Variants in BCOR observed in about 807,000 individuals in gnomAD.
The protein encoded by BCOR is BCL-6 corepressor.
In BCOR, 10 loss-of-function variants were observed where a neutral mutation model predicts 86.7. The observed-to-expected ratio is 0.12, with a 90% CI of 0.07 to 0.20. BCOR has a LOEUF of 0.20. BCOR is among the 10% of genes least tolerant of loss of function. The pLI is 1.00. For missense variants in BCOR, 1,259 were observed against 1,452.1 expected, an observed-to-expected ratio of 0.87 and a Z score of 2.16; for synonymous variants, 611 against 609.0, an observed-to-expected ratio of 1.00 and a Z score of -0.05.
At chrX:40,141,774 T>C (rs974790862) in intron 1 of BCOR, among the ~76,000 whole-genome samples, 2 of 110,959 alleles carry the variant, frequency 1.8e-5, no homozygotes, top group Non-Finnish European at 3.8e-5. Context: ...AGTCAGGCCC[T>C]CCAAGGAAGG....
chrX:40,120,257 G>A (rs889376829), intron 1 of BCOR, among the ~76,000 whole-genome samples: 21 of 111,048 alleles, frequency 1.9e-4, no homozygotes, highest in African/African-American at 5.9e-4. Context: ...TGGGTTTTCC[G>A]CTATGCCCGG....
chrX:40,080,989 G>GCACACA lies in BCOR; in HGVS notation c.-40-3026_-40-3021dup, dbSNP rs113541819. On this transcript the variant is annotated intron_variant, in intron 1 of 14. Coordinates refer to ENST00000378444, the MANE Select transcript of BCOR (RefSeq NM_001123385.2). ...CACGCACACGCGCACACACACACGC[G>GCACACA]CACACACACACACACTTATAATCTT... Among the ~76,000 whole-genome samples the GCACACA allele has an allele frequency of 1.2e-3, 126 of 107,111 alleles. 1 individual carries two copies. Among genetic ancestry groups the GCACACA allele is most frequent in the African/African-American group, 4.1e-3 (122 of 29,460 alleles). 93.0% of individuals were successfully genotyped at this position (107,111 alleles called of 115,157 possible). A position where few individuals can be genotyped will look rare whatever the true frequency, so the allele number is the denominator to read the frequency against.
In BCOR at chrX:40,064,376, C is replaced by T; in HGVS notation, c.3462G>A (p.Glu1154=). The T allele has an allele frequency of 1.6e-6, 2 of 1,212,412 alleles. No individual in the cohort carries two copies. The highest frequency in any genetic ancestry group is 2.2e-6 in the Non-Finnish European group (2 of 895,649). Reference sequence around the variant, plus strand: ...GGCGTTTGGCTTTCAGCAGAGGGTCCTCTGGCACCTCCTCCGCAGTGGTCT... The same window carrying T: ...GGCGTTTGGCTTTCAGCAGAGGGTCTTCTGGCACCTCCTCCGCAGTGGTCT... The part of the protein sequence containing the change: ...HTETTAEEVP[E]DPLLKAKRRR... Residue 1154 remains glutamate (E), a synonymous_variant, in exon 7 of 15, where the codon GAG becomes GAA. Transcript: ENST00000378444.
intron 1 of BCOR, among the ~76,000 whole-genome samples, chrX:40,141,240 G>A (rs180827362): frequency 8.8e-6 from 1 of 113,158 alleles, no homozygotes; most frequent in Non-Finnish European, 1.9e-5. Flanking sequence ...GGGCCAGTAA[G>A]TCTGACTGAA....
At chrX:40,059,408 G>A (rs145145109) in intron 10 of BCOR, among the ~76,000 whole-genome samples, 1,192 of 112,432 alleles carry the variant, frequency 0.011, 17 homozygotes, top group African/African-American at 0.037. Context: ...CAACGGGTCT[G>A]CTGGGAAGTT....
intron 1 of BCOR, among the ~76,000 whole-genome samples, chrX:40,104,012 C>A (rs1055886731): frequency 8.9e-6 from 1 of 111,890 alleles, no homozygotes; most frequent in African/African-American, 3.3e-5. Context: ...ACAACCCACC[C>A]CCCATTGGCG....
In BCOR at chrX:40,131,395, G is replaced by A. The variant is rs759682120; in HGVS notation, c.-41+45612C>T. On this transcript the variant is annotated intron_variant, in intron 1 of 14. Transcript: ENST00000342274. ...AAACAGGCCAGGCGCAGTGGCTCAC[G>A]CCTGCAATCCCAGCACTTTGTAAGG... Among the ~76,000 whole-genome samples the A allele has an allele frequency of 4.6e-3, 517 of 112,463 alleles. 2 individuals are homozygous for A. Among genetic ancestry groups the A allele is most frequent in the Admixed American group, 0.014 (144 of 10,591 alleles).
intron 1 of BCOR, among the ~76,000 whole-genome samples, chrX:40,170,169 T>C (rs1420382312): frequency 9.0e-6 from 1 of 111,483 alleles, no homozygotes; most frequent in African/African-American, 3.3e-5. Flanking sequence ...CTTTCTTCAC[T>C]GTCCCCACCC....
chrX:40,142,834 G>A (rs748017517), intron 1 of BCOR, among the ~76,000 whole-genome samples: 2 of 111,698 alleles, frequency 1.8e-5, no homozygotes, highest in East Asian at 5.6e-4. Flanking sequence ...AAGCACCATC[G>A]CAGGGGTCCT....
At chrX:40,099,049 C>G (rs1937016501), upstream of BCOR, among the ~76,000 whole-genome samples, 1 of 113,403 alleles carries the variant, frequency 8.8e-6, no homozygotes, top group African/African-American at 3.2e-5. Context: ...TTTTCCTTGA[C>G]AGGGAGCAAC....
At position 40,071,109 on chromosome X, in the gene BCOR, G is replaced by A. The variant is rs2147176247; in HGVS notation, c.3102C>T (p.Gly1034=). 8.3e-7 allele frequency: 1 copy of A among 1,209,850 alleles called. No individual in the cohort carries two copies. Among genetic ancestry groups the A allele is most frequent in the Non-Finnish European group, 1.1e-6 (1 of 894,774 alleles). The part of the protein sequence containing the change: ...SELEMKEREG[G]HPATKDSEMC... ...TCTCGGAGTCTTTGGTTGCTGGGTG[G>A]CCACCTTCTCTTTCTTTCATCTCCA... Residue 1034 remains glycine (G), a synonymous_variant, in exon 6 of 15, where the codon GGC becomes GGT. Transcript: ENST00000378444.
chrX:40,111,080 T>G (rs1937305513), intron 1 of BCOR, among the ~76,000 whole-genome samples: 1 of 111,454 alleles, frequency 9.0e-6, no homozygotes, highest in Admixed American at 9.5e-5. Flanking sequence ...CTGCTGGAGT[T>G]GAACCTTCCA....
chrX:40,164,465 TC>T (rs934215369), intron 1 of BCOR, among the ~76,000 whole-genome samples: 3 of 112,225 alleles, frequency 2.7e-5, no homozygotes, highest in African/African-American at 9.7e-5. Context: ...ATAACCCAAA[TC>T]CCCCACCTTT....
In BCOR at chrX:40,073,468, G is replaced by C. The variant is rs1407312260; in HGVS notation, c.1878C>G (p.Phe626Leu). 8.2e-7 allele frequency: 1 copy of C among 1,212,388 alleles called. No individual in the cohort carries two copies. The highest frequency in any genetic ancestry group is 1.8e-5 in the South Asian group (1 of 57,043). The change falls in exon 4 of 15, where the codon TTC (phenylalanine) becomes TTG (leucine). Residue 626 changes from phenylalanine (F) to leucine (L), a missense_variant. Phe to Leu is a conservative substitution (Grantham distance 22, BLOSUM62 0). This residue lies in a region of BCOR where 534 missense variants were observed against 594.8 expected (regional missense o/e 0.90). Coordinates refer to ENST00000378444, the MANE Select transcript of BCOR (RefSeq NM_001123385.2). ...GAKASNPEPS[F>L]KANENGLPPS... The stretch of plus-strand genomic sequence containing the variant: ...GTGGAAGGCCGTTCTCGTTTGCTTT[G>C]AAACTCGGTTCTGGGTTGCTGGCTT...
chrX:40,153,358 G>C (rs1938211741), intron 1 of BCOR, among the ~76,000 whole-genome samples: 1 of 112,410 alleles, frequency 8.9e-6, no homozygotes, highest in Admixed American at 9.3e-5. Flanking sequence ...AAATGTCTTT[G>C]GTCTTGTTTG....
intron 1 of BCOR, among the ~76,000 whole-genome samples, chrX:40,150,190 G>A (rs978488886): frequency 3.0e-4 from 34 of 112,491 alleles, no homozygotes; most frequent in Middle Eastern, 4.6e-3. Context: ...ACAGACTGAT[G>A]GGGTAGGAGT....
At chrX:40,164,638 C>T (rs1406807493) in intron 1 of BCOR, among the ~76,000 whole-genome samples, 1 of 111,900 alleles carries the variant, frequency 8.9e-6, no homozygotes, top group African/African-American at 3.3e-5. Flanking sequence ...GTTCCCTAGG[C>T]AGGAAGGGAG....
chrX:40,077,909 C>A lies in BCOR; in HGVS notation c.21G>T (p.Leu7=). 2.5e-6 allele frequency: 3 copies of A among 1,211,725 alleles called. No individual in the cohort carries two copies. The East Asian group carries it at 8.9e-5, about 36-fold the overall frequency. MLSATP[L]YGNVHSWMNS... The stretch of plus-strand genomic sequence containing the variant: ...TCATCCAGCTGTGAACGTTCCCATA[C>A]AGGGGGGTTGCTGAGAGCATGTCGT... Residue 7 remains leucine (L), a synonymous_variant, in exon 2 of 15, where the codon CTG becomes CTT. Transcript: ENST00000378444.
Position 40,073,522 on chromosome X carries a change from G to A in BCOR, c.1824C>T (p.His608=), listed in dbSNP as rs1286736096. Residue 608 remains histidine (H), a synonymous_variant, in exon 4 of 15, where the codon CAC becomes CAT. Transcript: ENST00000378444. ...CGCCCTTGCTGCTGGTGCTGCTACTGTGCTTGGCAGGAGTGGCCGGGGGCT... is the reference window on the plus strand; with the variant it reads ...CGCCCTTGCTGCTGGTGCTGCTACTATGCTTGGCAGGAGTGGCCGGGGGCT... ...VGQPPATPAK[H]SSSTSSKGAK... is the part of the protein sequence containing the mutation. 1.6e-6 allele frequency: 2 copies of A among 1,212,445 alleles called. No individual in the cohort carries two copies. Among genetic ancestry groups the A allele is most frequent in the East Asian group, 3.0e-5 (1 of 33,873 alleles).
Sources: gnomAD v4.1 joint callset for allele counts (sites outside exome capture counted in the v4.1 genomes callset) on GRCh38, gnomAD v4.1.1 for gene constraint, gnomAD v4.1.1 regional missense constraint, MANE v1.5 for transcripts, NCBI Gene and HGNC (gene_info 2026-07-23, HGNC 2026-07-21) for gene names.